The following THSD7B variants were observed in gnomAD, a reference collection of about 807,000 sequenced individuals.
THSD7B encodes thrombospondin type-1 domain-containing protein 7B.
A neutral mutation model predicts 213.6 loss-of-function variants in THSD7B; 138 were observed. That is an observed-to-expected ratio of 0.65 (90% CI 0.56 to 0.74). The LOEUF (loss-of-function observed/expected upper bound fraction) is 0.74, where lower values mean the gene tolerates loss of function less well. Among genes scored for constraint, THSD7B ranks in the 30% least tolerant of loss-of-function variants. THSD7B has a pLI of 0.00. For missense variants in THSD7B, 1,931 were observed against 1,991.5 expected, an observed-to-expected ratio of 0.97 and a Z score of 0.58; for synonymous variants, 742 against 687.0, an observed-to-expected ratio of 1.08 and a Z score of -1.25.
chr2:137,283,801 C>G (rs1683098493), intron 12 of THSD7B, among the ~76,000 whole-genome samples: 1 of 152,102 alleles, frequency 6.6e-6, no homozygotes, highest in African/African-American at 2.4e-5. Flanking sequence ...TTCGGTTTGC[C>G]AGTATTTTAT....
chr2:136,852,725 A>G (rs1683118915), intron 1 of THSD7B, among the ~76,000 whole-genome samples: 2 of 152,104 alleles, frequency 1.3e-5, no homozygotes, highest in Non-Finnish European at 2.9e-5. Context: ...ATTAAAAACT[A>G]TTTTCATTTT....
At chr2:137,271,094 T>C (rs1196123051) in intron 10 of THSD7B, among the ~76,000 whole-genome samples, 1 of 151,890 alleles carries the variant, frequency 6.6e-6, no homozygotes, top group Non-Finnish European at 1.5e-5. Flanking sequence ...TGTGCTGGCT[T>C]TCTATAAGTT....
intron 12 of THSD7B, among the ~76,000 whole-genome samples, chr2:137,343,084 G>GT (rs1558764252): frequency 7.0e-6 from 1 of 143,470 alleles, no homozygotes; most frequent in Admixed American, 6.9e-5. Context: ...TTTTTTTTTT[G>GT]TTTTTTGTTT....
At chr2:137,257,751 A>G (rs1415429038) in intron 10 of THSD7B, among the ~76,000 whole-genome samples, 1 of 152,126 alleles carries the variant, frequency 6.6e-6, no homozygotes, top group African/African-American at 2.4e-5. Flanking sequence ...ATTAACTCAG[A>G]TTATTTTATT....
At chr2:137,063,417 T>C (rs1687316136) in intron 3 of THSD7B, among the ~76,000 whole-genome samples, 1 of 152,042 alleles carries the variant, frequency 6.6e-6, no homozygotes, top group Non-Finnish European at 1.5e-5. Context: ...ATAGTAGGTG[T>C]ATATATTTAT....
intron 5 of THSD7B, among the ~76,000 whole-genome samples, chr2:137,141,171 G>A (rs938737346): frequency 1.3e-5 from 2 of 152,144 alleles, no homozygotes; most frequent in Admixed American, 1.3e-4. Flanking sequence ...ATGATTCTGA[G>A]ATGTATTGGC....
rs1411241792 is a variant in THSD7B, at chr2:137,083,595, C to T, written c.951-11278C>T. ...TTGCCTAGTGGCAGAAAAATGCTAC[C>T]AGTTTAGAGTCAAAATCATTAAAAG... On this transcript the variant is annotated intron_variant, in intron 3 of 27. Transcript: ENST00000409968. Among the ~76,000 whole-genome samples the T allele has an allele frequency of 2.6e-5, 4 of 152,116 alleles. No homozygotes were observed. The East Asian group carries it at 7.7e-4, about 29-fold the overall frequency.
At chr2:137,580,143 T>C (rs1300343423) in intron 17 of THSD7B, among the ~76,000 whole-genome samples, 1 of 152,190 alleles carries the variant, frequency 6.6e-6, no homozygotes. Context: ...TGACACAAGT[T>C]CTATTAAATT....
chr2:136,872,666 C>T (rs1428538460), intron 1 of THSD7B, among the ~76,000 whole-genome samples: 1 of 148,470 alleles, frequency 6.7e-6, no homozygotes, highest in Non-Finnish European at 1.5e-5. Context: ...TCTCTTCTCT[C>T]TCCCTTCATT....
At chr2:136,774,658 A>G (rs1455973365) in intron 1 of THSD7B, among the ~76,000 whole-genome samples, 1 of 152,130 alleles carries the variant, frequency 6.6e-6, no homozygotes, top group Non-Finnish European at 1.5e-5. Flanking sequence ...TTACTTTTAA[A>G]AAGAATATTA....
chr2:137,495,372 C>G (rs72844505), intron 15 of THSD7B, among the ~76,000 whole-genome samples: 9,291 of 152,116 alleles, frequency 0.061, 440 homozygotes, highest in Non-Finnish European at 0.096. Flanking sequence ...CCACCTGAAC[C>G]CTTTTCGCTT....
chr2:136,929,048 A>G (rs1181737058), intron 2 of THSD7B, among the ~76,000 whole-genome samples: 1 of 152,184 alleles, frequency 6.6e-6, no homozygotes, highest in African/African-American at 2.4e-5. Flanking sequence ...TGTAAATGTA[A>G]TAGCCATCAA....
chr2:136,886,018 AGAACATCCCAGATGGTGG>A (rs2104995216), intron 2 of THSD7B, among the ~76,000 whole-genome samples: 1 of 152,234 alleles, frequency 6.6e-6, no homozygotes, highest in South Asian at 2.1e-4. Flanking sequence ...AAGGTGAAGA[AGAACATCCCAGATGGTGG>A]GAACAAGAAG....
intron 3 of THSD7B, among the ~76,000 whole-genome samples, chr2:137,077,484 C>T (rs1573808063): frequency 6.6e-6 from 1 of 152,050 alleles, no homozygotes; most frequent in East Asian, 1.9e-4. Context: ...CTCTCCAGCA[C>T]CTGTTGTTTC....
intron 15 of THSD7B, among the ~76,000 whole-genome samples, chr2:137,546,455 TTATATATAATA>T (rs1558834479): frequency 0.02 from 396 of 19,698 alleles, 70 homozygotes; most frequent in African/African-American, 0.062. Context: ...TATATATATA[TTATATATAATA>T]TATATATATA....
At chr2:136,774,188 GC>G (rs1485573880) in intron 1 of THSD7B, among the ~76,000 whole-genome samples, 1 of 152,046 alleles carries the variant, frequency 6.6e-6, no homozygotes, top group Non-Finnish European at 1.5e-5. Flanking sequence ...AATGGGCATA[GC>G]CTAAAAGTAA....
intron 9 of THSD7B, among the ~76,000 whole-genome samples, chr2:137,238,843 G>A (rs1465364661): frequency 1.3e-5 from 2 of 151,792 alleles, no homozygotes; most frequent in African/African-American, 4.8e-5. Context: ...GTGAGCCACC[G>A]CGCCCGGCCA....
chr2:137,152,881 T>C (rs115194014), intron 5 of THSD7B, among the ~76,000 whole-genome samples: 59 of 152,298 alleles, frequency 3.9e-4, no homozygotes, highest in African/African-American at 1.4e-3. Flanking sequence ...CTTTTTACTT[T>C]TTCTCTTTTC....
chr2:137,065,810 G>A (rs576645263), intron 3 of THSD7B, among the ~76,000 whole-genome samples: 2 of 152,218 alleles, frequency 1.3e-5, no homozygotes, highest in South Asian at 4.1e-4. Context: ...GGCAGTGTAA[G>A]TATCCTATAA....
Sources: gnomAD v4.1 joint callset for allele counts (sites outside exome capture counted in the v4.1 genomes callset) on GRCh38, gnomAD v4.1.1 for gene constraint, MANE v1.5 for transcripts, NCBI Gene and HGNC (gene_info 2026-07-23, HGNC 2026-07-21) for gene names.